Variants in GRM7 observed in about 807,000 individuals in gnomAD.
The protein encoded by GRM7 is metabotropic glutamate receptor 7.
In GRM7, 35 loss-of-function variants were observed where a neutral mutation model predicts 84.5. The ratio of observed to expected loss-of-function variants is 0.41; its 90% CI spans 0.32 to 0.55. GRM7 has a LOEUF of 0.55. Ranked by LOEUF, GRM7 falls within the 20% of genes least tolerant of loss-of-function variation. The probability of loss-of-function intolerance (pLI) is 0.19; values close to 1 mark genes in which losing one functional copy is unlikely to be tolerated. For synonymous variants in GRM7, 487 were observed against 455.1 expected (o/e 1.07, Z -0.89); for missense variants, 1,003 against 1,194.6 (o/e 0.84, Z 2.36).
chr3:7,167,634 G>C (rs1694842025), intron 2 of GRM7, among the ~76,000 whole-genome samples: 1 of 152,012 alleles, frequency 6.6e-6, no homozygotes, highest in African/African-American at 2.4e-5. Flanking sequence ...CATTAAAATG[G>C]CTCAACTCCA....
chr3:7,490,269 G>A (rs748910818), intron 7 of GRM7, among the ~76,000 whole-genome samples: 4 of 151,886 alleles, frequency 2.6e-5, no homozygotes, highest in African/African-American at 7.3e-5. Context: ...GCACTTAAAC[G>A]TCACTTAAAA....
chr3:7,058,504 T>A (rs984573830), intron 1 of GRM7, among the ~76,000 whole-genome samples: 1 of 151,926 alleles, frequency 6.6e-6, no homozygotes, highest in Admixed American at 6.6e-5. Flanking sequence ...GGCAATATTG[T>A]CATTCATCTG....
At chr3:6,885,097 C>G (rs533867575) in intron 1 of GRM7, among the ~76,000 whole-genome samples, 3 of 152,256 alleles carry the variant, frequency 2.0e-5, no homozygotes, top group Non-Finnish European at 4.4e-5. Flanking sequence ...AGGTTCTATA[C>G]ACACCTGATG....
intron 1 of GRM7, among the ~76,000 whole-genome samples, chr3:7,047,488 G>A (rs1427587642): frequency 1.3e-5 from 2 of 152,200 alleles, no homozygotes; most frequent in Non-Finnish European, 2.9e-5. Context: ...AAGAGAAAGA[G>A]AGGTGAAGTG....
At chr3:7,585,119 T>C (rs1477765753) in intron 8 of GRM7, among the ~76,000 whole-genome samples, 1 of 152,206 alleles carries the variant, frequency 6.6e-6, no homozygotes, top group Non-Finnish European at 1.5e-5. Flanking sequence ...TCCCAGTGCA[T>C]AGTTTTTGCT....
At chr3:7,566,111 T>TG (rs1559406767) in intron 7 of GRM7, among the ~76,000 whole-genome samples, 4 of 29,254 alleles carry the variant, frequency 1.4e-4, no homozygotes, top group Admixed American at 3.5e-4. Flanking sequence ...CTGTTTTTTT[T>TG]TTTTTTTTTT....
intron 8 of GRM7, among the ~76,000 whole-genome samples, chr3:7,651,100 G>A (rs1698917285): frequency 2.0e-5 from 3 of 152,268 alleles, no homozygotes; most frequent in South Asian, 2.1e-4. Flanking sequence ...TACAGTTCAC[G>A]TCTTCTCCTG....
At chr3:7,534,665 G>T (rs1264896137) in intron 7 of GRM7, among the ~76,000 whole-genome samples, 1 of 151,850 alleles carries the variant, frequency 6.6e-6, no homozygotes, top group Non-Finnish European at 1.5e-5. Flanking sequence ...ATTTATTCAG[G>T]AGCTATAATA....
intron 1 of GRM7, among the ~76,000 whole-genome samples, chr3:7,057,495 CT>C: frequency 6.6e-6 from 1 of 151,946 alleles, no homozygotes; most frequent in Non-Finnish European, 1.5e-5. Flanking sequence ...TAATTTTCAT[CT>C]GAATCTCAGA....
intron 1 of GRM7, among the ~76,000 whole-genome samples, chr3:7,099,593 T>C (rs930628314): frequency 7.1e-6 from 1 of 140,858 alleles, no homozygotes; most frequent in Non-Finnish European, 1.6e-5. Context: ...TATGTATATG[T>C]ACACGCATTA....
chr3:7,052,605 T>A (rs965772563), intron 1 of GRM7, among the ~76,000 whole-genome samples: 1 of 151,566 alleles, frequency 6.6e-6, no homozygotes, highest in East Asian at 1.9e-4. Flanking sequence ...CTTTCTGTTG[T>A]TATAGTTTTG....
At chr3:7,394,605 C>T (rs1482065862) in intron 4 of GRM7, among the ~76,000 whole-genome samples, 1 of 151,032 alleles carries the variant, frequency 6.6e-6, no homozygotes, top group Non-Finnish European at 1.5e-5. Flanking sequence ...CTTCTTTTTT[C>T]CTCCCCTTTT....
At chr3:7,718,701 C>T (rs1015035725) in intron 9 of GRM7, among the ~76,000 whole-genome samples, 2 of 152,110 alleles carry the variant, frequency 1.3e-5, no homozygotes, top group Admixed American at 1.3e-4. Flanking sequence ...AGACCATCTG[C>T]CAAGTCAACA....
chr3:7,003,588 G>C (rs1365130548), intron 1 of GRM7, among the ~76,000 whole-genome samples: 1 of 152,154 alleles, frequency 6.6e-6, no homozygotes, highest in African/African-American at 2.4e-5. Context: ...AGGTGGAAAT[G>C]AGTCACTAAG....
chr3:7,186,009 CAAGATCTACAATTTTCATACCA>C (rs1695501024), intron 2 of GRM7, among the ~76,000 whole-genome samples: 1 of 152,130 alleles, frequency 6.6e-6, no homozygotes. Context: ...AATTGCATGT[CAAGATCTACAATTTTCATACCA>C]AAATGTCAGC....
chr3:7,393,893 C>T (rs1300701181), intron 4 of GRM7, among the ~76,000 whole-genome samples: 2 of 152,102 alleles, frequency 1.3e-5, no homozygotes, highest in Non-Finnish European at 2.9e-5. Flanking sequence ...GTAGAGACTT[C>T]CCATCAGATT....
At chr3:7,505,143 A>G (rs1700002651) in intron 7 of GRM7, among the ~76,000 whole-genome samples, 1 of 152,226 alleles carries the variant, frequency 6.6e-6, no homozygotes, top group Admixed American at 6.5e-5. Context: ...GAGAAACAAT[A>G]TTATTCATTG....
At chr3:7,150,750 C>A (rs1465828580) in intron 2 of GRM7, among the ~76,000 whole-genome samples, 1 of 152,118 alleles carries the variant, frequency 6.6e-6, no homozygotes, top group Non-Finnish European at 1.5e-5. Context: ...TTCAGGTCAG[C>A]AAAAATGACC....
chr3:7,343,042 TTAAC>T (rs1260224396), intron 4 of GRM7, among the ~76,000 whole-genome samples: 2 of 152,164 alleles, frequency 1.3e-5, no homozygotes, highest in Non-Finnish European at 2.9e-5. Flanking sequence ...TATTACTTAT[TTAAC>T]TAATATTGCT....
Sources: gnomAD v4.1 joint callset for allele counts (sites outside exome capture counted in the v4.1 genomes callset) on GRCh38, gnomAD v4.1.1 for gene constraint, MANE v1.5 for transcripts, NCBI Gene and HGNC (gene_info 2026-07-23, HGNC 2026-07-21) for gene names.